The following MAPRE2 variants were observed in gnomAD, a reference collection of about 807,000 sequenced individuals.
The protein encoded by MAPRE2 is microtubule associated protein RP/EB family member 2, also known as microtubule-associated protein RP/EB family member 2.
Under a neutral mutation model 43.2 loss-of-function variants are expected in MAPRE2, and 13 were observed. That is an observed-to-expected ratio of 0.30 (90% CI 0.20 to 0.48). The LOEUF (loss-of-function observed/expected upper bound fraction) is 0.48, where lower values mean the gene tolerates loss of function less well. MAPRE2 is among the 20% of genes least tolerant of loss of function. The pLI, the probability that MAPRE2 is intolerant of heterozygous loss-of-function variation, is 0.99. For missense variants in MAPRE2, 161 were observed against 400.2 expected (o/e 0.40, Z 5.10); for synonymous variants, 135 against 148.8 (o/e 0.91, Z 0.68).
intron 2 of MAPRE2, chr18:35,005,601 A>G (rs2150580685): frequency 8.5e-7 from 1 of 1,176,494 alleles, no homozygotes; most frequent in Admixed American, 2.4e-5. Flanking sequence ...TTAAAAATTA[A>G]TTTAAAGTGA....
intron 2 of MAPRE2, among the ~76,000 whole-genome samples, chr18:35,013,142 A>G (rs1334626691): frequency 1.3e-5 from 2 of 152,190 alleles, no homozygotes; most frequent in Non-Finnish European, 2.9e-5. Flanking sequence ...TTTCAATGTC[A>G]TGTTCAGAAT....
At chr18:35,025,714 T>C (rs1042662181) in intron 2 of MAPRE2, among the ~76,000 whole-genome samples, 4 of 152,222 alleles carry the variant, frequency 2.6e-5, no homozygotes, top group African/African-American at 9.7e-5. Flanking sequence ...AACAGTAGCT[T>C]AGAAGTCTAG....
chr18:35,117,181 A>G (rs558920372), intron 4 of MAPRE2, among the ~76,000 whole-genome samples: 1 of 152,316 alleles, frequency 6.6e-6, no homozygotes, highest in African/African-American at 2.4e-5. Flanking sequence ...TAAATGTTAC[A>G]CACATTTCTG....
At chr18:35,016,793 A>T (rs1332478817) in intron 2 of MAPRE2, among the ~76,000 whole-genome samples, 1 of 151,928 alleles carries the variant, frequency 6.6e-6, no homozygotes, top group Admixed American at 6.6e-5. Context: ...TGCTGTGCAG[A>T]AGCTCTTTCA....
At chr18:35,039,472 A>C (rs1436143803), upstream of MAPRE2, among the ~76,000 whole-genome samples, 1 of 152,248 alleles carries the variant, frequency 6.6e-6, no homozygotes, top group Non-Finnish European at 1.5e-5. Context: ...AAGAAAAAAA[A>C]TCTTATGTAA....
intron 4 of MAPRE2, among the ~76,000 whole-genome samples, chr18:35,106,625 C>G (rs906493456): frequency 6.6e-6 from 1 of 152,084 alleles, no homozygotes; most frequent in African/African-American, 2.4e-5. Context: ...CTAGATTTTT[C>G]AACCATTTTG....
chr18:35,011,887 A>G (rs116790455), intron 2 of MAPRE2, among the ~76,000 whole-genome samples: 2,944 of 151,782 alleles, frequency 0.019, 102 homozygotes, highest in African/African-American at 0.067. Context: ...GAAGAGAAGT[A>G]AAGAAAGGGG....
intron 4 of MAPRE2, among the ~76,000 whole-genome samples, chr18:35,116,821 A>G (rs1238296196): frequency 1.3e-5 from 2 of 152,096 alleles, no homozygotes; most frequent in Non-Finnish European, 2.9e-5. Flanking sequence ...TCTTACATAC[A>G]CTCAAGGGGA....
At chr18:35,038,784 T>C (rs2076079015), upstream of MAPRE2, among the ~76,000 whole-genome samples, 1 of 152,218 alleles carries the variant, frequency 6.6e-6, no homozygotes, top group Admixed American at 6.5e-5. Flanking sequence ...ATCTGTTTAA[T>C]ATTTTCAAAT....
intron 2 of MAPRE2, among the ~76,000 whole-genome samples, chr18:35,092,492 C>T (rs1908198844): frequency 6.6e-6 from 1 of 152,080 alleles, no homozygotes; most frequent in Non-Finnish European, 1.5e-5. Flanking sequence ...AGTGAAAGAC[C>T]TAAAATGATA....
intron 2 of MAPRE2, among the ~76,000 whole-genome samples, chr18:35,010,657 A>G (rs2097034118): frequency 6.6e-6 from 1 of 152,238 alleles, no homozygotes; most frequent in Non-Finnish European, 1.5e-5. Context: ...ACTGTGGTGC[A>G]GAGATTAACG....
At chr18:34,983,867 T>C (rs2097017648) in intron 1 of MAPRE2, among the ~76,000 whole-genome samples, 1 of 152,174 alleles carries the variant, frequency 6.6e-6, no homozygotes, top group African/African-American at 2.4e-5. Context: ...TGACTTCAAG[T>C]GATCCACCCG....
chr18:35,041,645 G>C lies in MAPRE2; in HGVS notation c.106G>C (p.Gly36Arg). 1 of 1,614,242 alleles carries C rather than the reference G, an allele frequency of 6.2e-7. No homozygotes were observed. Among genetic ancestry groups the C allele is most frequent in the Non-Finnish European group, 8.5e-7 (1 of 1,180,036 alleles). Residue 36 changes from glycine to arginine, a missense_variant, in exon 1 of 7, where the codon GGG (glycine) becomes CGG (arginine). By Grantham distance (125) the Gly-to-Arg change is moderately radical (BLOSUM62 -2). Transcript: ENST00000300249. Reference protein sequence around the residue: ...IIPFRKHTVRGERSYSWGMAV... With the variant: ...IIPFRKHTVRRERSYSWGMAV... ...TCCTTTCCGGAAGCACACAGTGCGC[G>C]GGGAGCGTTCCTACAGGTAATGGGG...
intron 1 of MAPRE2, among the ~76,000 whole-genome samples, chr18:35,045,844 A>G (rs1905593936): frequency 6.6e-6 from 1 of 152,100 alleles, no homozygotes; most frequent in Non-Finnish European, 1.5e-5. Flanking sequence ...TGTCCTTACT[A>G]TTTTTCTTAG....
chr18:35,141,325 G>A lies in MAPRE2; in HGVS notation c.*956G>A, dbSNP rs992374611. On this transcript the variant is annotated 3_prime_UTR_variant, in exon 7 of 7. Transcript: ENST00000300249. The stretch of plus-strand genomic sequence containing the variant: ...CCTACTAAAGGGTAACTTCAGGTGT[G>A]CAGCCCTGAGCTCCAAGGCTCTGCA... 6.6e-6 allele frequency: 1 copy of A among 152,228 alleles called. No individual in the cohort carries two copies. The highest frequency in any genetic ancestry group is 2.4e-5 in the African/African-American group (1 of 41,448). 9.4% of individuals were successfully genotyped at this position (152,228 alleles called of 1,614,324 possible).
chr18:35,008,966 A>G (rs1169437554), intron 2 of MAPRE2, among the ~76,000 whole-genome samples: 1 of 142,944 alleles, frequency 7.0e-6, no homozygotes, highest in African/African-American at 2.5e-5. Flanking sequence ...GTGTGTGTGC[A>G]TGCACGTGTG....
chr18:35,122,712 T>C (rs550952867), intron 4 of MAPRE2, among the ~76,000 whole-genome samples: 28 of 152,294 alleles, frequency 1.8e-4, no homozygotes, highest in African/African-American at 6.7e-4. Context: ...GAGCCTGATT[T>C]TCATCGCCTG....
intron 4 of MAPRE2, among the ~76,000 whole-genome samples, chr18:35,126,388 A>G (rs1276971215): frequency 2.0e-5 from 3 of 152,226 alleles, no homozygotes; most frequent in Admixed American, 6.5e-5. Context: ...CCATTTCTCA[A>G]GAAGCCCTTT....
At chr18:35,003,678 C>T (rs530502926) in intron 1 of MAPRE2, among the ~76,000 whole-genome samples, 4 of 152,242 alleles carry the variant, frequency 2.6e-5, no homozygotes, top group South Asian at 2.1e-4. Context: ...GTTCCTGCTT[C>T]GTAGCTTGGT....
Sources: gnomAD v4.1 joint callset for allele counts (sites outside exome capture counted in the v4.1 genomes callset) on GRCh38, gnomAD v4.1.1 for gene constraint, MANE v1.5 for transcripts, NCBI Gene and HGNC (gene_info 2026-07-23, HGNC 2026-07-21) for gene names.